Variants in METTL16 observed in about 807,000 individuals in gnomAD.
The protein encoded by METTL16 is RNA N(6)-adenosine-methyltransferase METTL16.
Under a neutral mutation model 57.9 loss-of-function variants are expected in METTL16, and 19 were observed. The observed-to-expected ratio is 0.33, with a 90% CI of 0.23 to 0.48. The LOEUF is 0.48. METTL16 is among the 20% of genes least tolerant of loss of function. The pLI is 0.99. For synonymous variants in METTL16, 246 were observed against 255.6 expected (o/e 0.96, Z 0.36); for missense variants, 434 against 691.5 (o/e 0.63, Z 4.18).
chr17:2,447,223 C>T (rs1167174489), intron 6 of METTL16, among the ~76,000 whole-genome samples: 1 of 148,092 alleles, frequency 6.8e-6, no homozygotes, highest in East Asian at 2.0e-4. Flanking sequence ...GGGAGCACCT[C>T]TGACCCGCCG....
At chr17:2,498,334 C>T (rs1388558182) in intron 2 of METTL16, among the ~76,000 whole-genome samples, 2 of 151,446 alleles carry the variant, frequency 1.3e-5, no homozygotes, top group African/African-American at 4.9e-5. Flanking sequence ...ATCTCTTGAA[C>T]CCGGGAGGCA....
intron 2 of METTL16, among the ~76,000 whole-genome samples, chr17:2,491,599 G>GGT (rs1199505929): frequency 1.1e-4 from 17 of 152,270 alleles, no homozygotes; most frequent in Non-Finnish European, 2.1e-4. Context: ...CAGTTGGCCG[G>GGT]GCACGGTGGC....
chr17:2,479,140 G>A (rs2067286329), intron 2 of METTL16, among the ~76,000 whole-genome samples: 1 of 151,944 alleles, frequency 6.6e-6, no homozygotes. Context: ...AAACAGAGCA[G>A]GGTCTTTTTT....
At chr17:2,506,328 G>A (rs1355449338) in intron 1 of METTL16, among the ~76,000 whole-genome samples, 1 of 144,002 alleles carries the variant, frequency 6.9e-6, no homozygotes, top group Admixed American at 7.1e-5. Context: ...GTCTCCCTCT[G>A]ATGCCGAGCC....
intron 1 of METTL16, among the ~76,000 whole-genome samples, chr17:2,506,236 C>T (rs2067531930): frequency 6.9e-6 from 1 of 145,790 alleles, no homozygotes; most frequent in African/African-American, 2.5e-5. Context: ...AAGACAAATC[C>T]TCTCCCTCTC....
At chr17:2,499,079 G>A (rs1397179638) in intron 2 of METTL16, among the ~76,000 whole-genome samples, 1 of 151,438 alleles carries the variant, frequency 6.6e-6, no homozygotes, top group African/African-American at 2.4e-5. Context: ...GTCAGGGTAC[G>A]GTCTCCTTTT....
intron 2 of METTL16, among the ~76,000 whole-genome samples, chr17:2,483,023 T>TAA (rs55710404): frequency 2.1e-5 from 3 of 143,902 alleles, no homozygotes; most frequent in Non-Finnish European, 3.1e-5. Context: ...CATATAGTGT[T>TAA]AAAAAAAAAA....
chr17:2,451,900 C>T (rs1229277425), intron 6 of METTL16, among the ~76,000 whole-genome samples: 4 of 152,008 alleles, frequency 2.6e-5, no homozygotes, highest in African/African-American at 7.2e-5. Flanking sequence ...AACCCCAGCA[C>T]TTTGGGAGGC....
intron 4 of METTL16, among the ~76,000 whole-genome samples, chr17:2,469,971 G>A (rs1216243270): frequency 6.6e-6 from 1 of 152,218 alleles, no homozygotes; most frequent in South Asian, 2.1e-4. Context: ...TAGTCAATGA[G>A]TGAATACTGA....
chr17:2,427,952 C>CAAA (rs36089320), intron 8 of METTL16, among the ~76,000 whole-genome samples: 49 of 127,262 alleles, frequency 3.9e-4, no homozygotes, highest in South Asian at 3.4e-3. Context: ...CATCTTTACC[C>CAAA]AAAAAAAAAA....
chr17:2,485,359 G>T (rs1175573690), intron 2 of METTL16, among the ~76,000 whole-genome samples: 2 of 152,076 alleles, frequency 1.3e-5, no homozygotes, highest in African/African-American at 2.4e-5. Context: ...TTCATTACAT[G>T]AAATAATACA....
chr17:2,426,227 T>C (rs2066817349), intron 8 of METTL16, among the ~76,000 whole-genome samples: 1 of 152,022 alleles, frequency 6.6e-6, no homozygotes, highest in Admixed American at 6.6e-5. Flanking sequence ...GCAGTGGCCG[T>C]CTGTTTTTTA....
At chr17:2,496,758 T>C (rs1027831405) in intron 2 of METTL16, among the ~76,000 whole-genome samples, 1 of 151,114 alleles carries the variant, frequency 6.6e-6, no homozygotes, top group African/African-American at 2.5e-5. Context: ...GTGGGAGAGG[T>C]TTAGGTCACG....
intron 8 of METTL16, among the ~76,000 whole-genome samples, chr17:2,426,859 G>A (rs2066823639): frequency 6.6e-6 from 1 of 151,774 alleles, no homozygotes; most frequent in Non-Finnish European, 1.5e-5. Context: ...AATGGGTCAG[G>A]CACGGTGGCT....
chr17:2,472,676 A>G (rs538647515), intron 4 of METTL16, among the ~76,000 whole-genome samples: 2 of 152,330 alleles, frequency 1.3e-5, no homozygotes, highest in Admixed American at 1.3e-4. Context: ...AGAATAAAAA[A>G]AAGCTATCAA....
At position 2,502,133 on chromosome 17, in the gene METTL16, G is replaced by A. The variant is rs1490625059; in HGVS notation, c.128+71C>T. 1.7e-5 allele frequency: 25 copies of A among 1,501,428 alleles called. No individual in the cohort carries two copies. In the Admixed American group the frequency reaches 4.3e-4, roughly 26 times the overall value. The allele number at this position is 1,501,428 out of a possible 1,614,324, so 93.0% of individuals were successfully genotyped here. A position where few individuals can be genotyped will look rare whatever the true frequency, so the allele number is the denominator to read the frequency against. ...TCAAATGTCTAAGATTAACACTCAG[G>A]TGGGCTTTCTATTACATCATATCCA... On this transcript the variant is annotated intron_variant, in intron 2 of 9. Transcript: ENST00000263092.
intron 2 of METTL16, among the ~76,000 whole-genome samples, chr17:2,490,473 T>C (rs1318715486): frequency 6.6e-6 from 1 of 152,208 alleles, no homozygotes; most frequent in African/African-American, 2.4e-5. Flanking sequence ...GACAAGGGCT[T>C]AGAAAGATGA....
intron 8 of METTL16, among the ~76,000 whole-genome samples, chr17:2,431,111 A>T (rs1156460093): frequency 6.6e-6 from 1 of 151,924 alleles, no homozygotes; most frequent in Non-Finnish European, 1.5e-5. Context: ...ATGCCCAGCT[A>T]ATTTTTGTTA....
At chr17:2,508,579 C>A (rs2067564950) in intron 1 of METTL16, among the ~76,000 whole-genome samples, 2 of 152,076 alleles carry the variant, frequency 1.3e-5, no homozygotes, top group South Asian at 4.1e-4. Flanking sequence ...TGACCTTATC[C>A]CACTTTTCAC....
Sources: allele counts gnomAD v4.1 joint callset (sites outside exome capture counted in the v4.1 genomes callset), GRCh38; gene constraint gnomAD v4.1.1; transcripts MANE v1.5; gene names NCBI Gene and HGNC (gene_info 2026-07-23, HGNC 2026-07-21).